Variants in TTC6 observed in about 807,000 individuals in gnomAD.
TTC6 encodes tetratricopeptide repeat protein 6.
TTC6 carries 172 observed loss-of-function variants against 210.4 expected under a neutral mutation model. The ratio of observed to expected loss-of-function variants is 0.82; its 90% CI spans 0.72 to 0.93. The LOEUF (loss-of-function observed/expected upper bound fraction) is 0.93. Ranked by LOEUF, TTC6 falls within the 40% of genes least tolerant of loss-of-function variation. The probability of loss-of-function intolerance (pLI) is 0.00; values close to 1 mark genes in which losing one functional copy is unlikely to be tolerated. For synonymous variants in TTC6, 804 were observed against 819.6 expected (o/e 0.98, Z 0.32); for missense variants, 2,414 against 2,318.1 (o/e 1.04, Z -0.85).
exon 19 of TTC6, chr14:37,796,313 A>G (rs890921741): frequency 2.3e-6 from 3 of 1,286,238 alleles, no homozygotes; most frequent in African/African-American, 3.0e-5. Flanking sequence ...TCTTCTTATG[A>G]TGAAATATTA....
intron 14 of TTC6, among the ~76,000 whole-genome samples, chr14:37,785,463 T>G (rs2096065363): frequency 6.6e-6 from 1 of 152,240 alleles, no homozygotes; most frequent in Non-Finnish European, 1.5e-5. Flanking sequence ...TGTTTTGAAC[T>G]CCATCAGGTC....
At chr14:37,791,236 A>ACTCAATGG (rs2096078520) in intron 16 of TTC6, among the ~76,000 whole-genome samples, 1 of 152,106 alleles carries the variant, frequency 6.6e-6, no homozygotes, top group African/African-American at 2.4e-5. Flanking sequence ...ACAGGATACA[A>ACTCAATGG]CTCAATGGAA....
chr14:37,686,238 ATTGT>A (rs2095793493), intron 3 of TTC6, among the ~76,000 whole-genome samples: 1 of 152,196 alleles, frequency 6.6e-6, no homozygotes. Flanking sequence ...CCCACCTCAT[ATTGT>A]TTTTGTGAGG....
intron 1 of TTC6, among the ~76,000 whole-genome samples, chr14:37,651,416 TATATATA>T (rs1566864440): frequency 1.1e-4 from 3 of 26,130 alleles, no homozygotes; most frequent in Admixed American, 3.3e-4. Context: ...TATATATATA[TATATATA>T]TATTTTTTTT....
At chr14:37,668,066 T>C (rs1595082146) in intron 1 of TTC6, among the ~76,000 whole-genome samples, 2 of 148,948 alleles carry the variant, frequency 1.3e-5, no homozygotes, top group African/African-American at 4.9e-5. Context: ...ATCTGGGAGG[T>C]AGAGGTTGCA....
chr14:37,780,360 C>T (rs1002071718), intron 14 of TTC6, among the ~76,000 whole-genome samples: 5 of 152,100 alleles, frequency 3.3e-5, no homozygotes, highest in African/African-American at 1.2e-4. Context: ...AGGTGTTAAG[C>T]CCAGTATCCA....
At chr14:37,768,635 T>A (rs1325266396) in intron 14 of TTC6, among the ~76,000 whole-genome samples, 3 of 150,432 alleles carry the variant, frequency 2.0e-5, no homozygotes, top group African/African-American at 7.3e-5. Flanking sequence ...TGCTTGTGAT[T>A]TTTGTACATT....
intron 1 of TTC6, among the ~76,000 whole-genome samples, chr14:37,601,449 G>A (rs1469138004): frequency 6.6e-6 from 1 of 152,208 alleles, no homozygotes; most frequent in East Asian, 1.9e-4. Flanking sequence ...GGCCAGGTTA[G>A]CTTCAATCAG....
chr14:37,809,013 A>G (rs573595930), intron 24 of TTC6, among the ~76,000 whole-genome samples, 167 bp downstream of exon 26: 7 of 152,268 alleles, frequency 4.6e-5, no homozygotes, highest in African/African-American at 7.2e-5. Flanking sequence ...TTCTGCTACA[A>G]TTTTCAAAAG....
At chr14:37,822,552 G>A (rs191674636) in intron 26 of TTC6, among the ~76,000 whole-genome samples, 1 of 152,202 alleles carries the variant, frequency 6.6e-6, no homozygotes, top group Non-Finnish European at 1.5e-5. Flanking sequence ...AGGTTTCTGT[G>A]CTAGGTGTTC....
At chr14:37,675,152 A>G (rs111693004) in intron 1 of TTC6, among the ~76,000 whole-genome samples, 96 of 152,082 alleles carry the variant, frequency 6.3e-4, no homozygotes, top group Non-Finnish European at 1.1e-3. Flanking sequence ...TTGAGCAGCC[A>G]TCACCTTCAT....
upstream of TTC6, chr14:37,621,903 A>G (rs1272489023): frequency 9.5e-6 from 5 of 527,478 alleles, no homozygotes; most frequent in African/African-American, 4.0e-5. Context: ...AAATTACATG[A>G]TAATTTTACC....
In TTC6 at chr14:37,652,522, CTT is replaced by C. The variant is rs151107358; in HGVS notation, c.940-27626_940-27625del. Among the ~76,000 whole-genome samples the C allele has an allele frequency of 5.5e-3, 832 of 152,162 alleles. 6 individuals are homozygous for C. The highest frequency in any genetic ancestry group is 0.017 in the African/African-American group (697 of 41,534). On this transcript the variant is annotated intron_variant, in intron 1 of 30. Coordinates refer to ENST00000553443, the Ensembl canonical transcript of TTC6. ...GTGCTTTATTTTTGTTATATTTTAA[CTT>C]TTATTTTGATCAAAGTAATACATGA...
chr14:37,740,215 G>C (rs555198255), intron 10 of TTC6, among the ~76,000 whole-genome samples: 4 of 151,542 alleles, frequency 2.6e-5, no homozygotes, highest in African/African-American at 7.2e-5. Context: ...TCTTATTTAG[G>C]AATCAACACA....
At chr14:37,810,213 T>G (rs1168563849) in intron 24 of TTC6, among the ~76,000 whole-genome samples, 1 of 152,080 alleles carries the variant, frequency 6.6e-6, no homozygotes, top group African/African-American at 2.4e-5. Context: ...GATTGAAAGA[T>G]CATTTATTAG....
At chr14:37,748,688 T>C (rs12588751) in intron 10 of TTC6, among the ~76,000 whole-genome samples, 88,490 of 151,968 alleles carry the variant, frequency 0.58, 26,555 homozygotes, top group East Asian at 0.89. Context: ...GAAAGGCACA[T>C]TGACCTCATT....
intron 17 of TTC6, among the ~76,000 whole-genome samples, chr14:37,794,177 A>G (rs749013819): frequency 1.3e-5 from 2 of 152,136 alleles, no homozygotes; most frequent in Non-Finnish European, 2.9e-5. Flanking sequence ...TGGACATATG[A>G]CTATATGATT....
chr14:37,679,763 T>C (rs547833327), intron 1 of TTC6, among the ~76,000 whole-genome samples: 2 of 152,270 alleles, frequency 1.3e-5, no homozygotes, highest in Non-Finnish European at 2.9e-5. Context: ...TGATCTCAGC[T>C]CACTGCAACC....
chr14:37,632,987 T>C (rs2095672942), intron 1 of TTC6, among the ~76,000 whole-genome samples: 1 of 152,166 alleles, frequency 6.6e-6, no homozygotes, highest in African/African-American at 2.4e-5. Flanking sequence ...CAACCTTGAG[T>C]GTCCCAGGTT....
Sources: allele counts gnomAD v4.1 joint callset (sites outside exome capture counted in the v4.1 genomes callset), GRCh38; gene constraint gnomAD v4.1.1; transcripts MANE v1.5; gene names NCBI Gene and HGNC (gene_info 2026-07-23, HGNC 2026-07-21).